LUZP2: variants seen among roughly 807,000 people sequenced by gnomAD.
LUZP2 encodes the protein leucine zipper protein 2.
In LUZP2, 52 loss-of-function variants were observed where a neutral mutation model predicts 51.6. The observed-to-expected ratio is 1.01, with a 90% CI of 0.81 to 1.27. The LOEUF (loss-of-function observed/expected upper bound fraction) is 1.27. Among genes scored for constraint, LUZP2 ranks in the 50% most tolerant of loss-of-function variants. The pLI, the probability that LUZP2 is intolerant of heterozygous loss-of-function variation, is 0.00. For missense variants in LUZP2, 436 were observed against 395.4 expected (o/e 1.10, Z -0.87); for synonymous variants, 154 against 137.3 (o/e 1.12, Z -0.85).
At chr11:24,849,828 T>G (rs1391266730) in intron 5 of LUZP2, among the ~76,000 whole-genome samples, 1 of 152,234 alleles carries the variant, frequency 6.6e-6, no homozygotes, top group Non-Finnish European at 1.5e-5. Flanking sequence ...TTAACTGGCA[T>G]GAGATGGTAT....
chr11:24,550,665 T>C lies in LUZP2; in HGVS notation c.62+53360T>C, dbSNP rs995818042. Among the ~76,000 whole-genome samples, 8 of 152,254 alleles carry C rather than the reference T, an allele frequency of 5.3e-5. No homozygotes were observed. In the South Asian group the frequency reaches 1.4e-3, roughly 28 times the overall value. On this transcript the variant is annotated intron_variant, in intron 1 of 11. Coordinates refer to ENST00000336930, the MANE Select transcript of LUZP2 (RefSeq NM_001009909.4). Reference sequence around the variant, plus strand: ...CCTCAATGGATCTATTTTTGTCTTTTGGAACAGGAATGAATGTACCTTATT... The same window carrying C: ...CCTCAATGGATCTATTTTTGTCTTTCGGAACAGGAATGAATGTACCTTATT...
intron 1 of LUZP2, among the ~76,000 whole-genome samples, chr11:24,541,274 A>G (rs1254931445): frequency 6.6e-6 from 1 of 151,332 alleles, no homozygotes; most frequent in East Asian, 2.0e-4. Flanking sequence ...AAAAAAAAAA[A>G]AAAGGAGTGA....
chr11:24,681,743 A>C (rs1158917637), intron 1 of LUZP2, among the ~76,000 whole-genome samples: 1 of 152,186 alleles, frequency 6.6e-6, no homozygotes, highest in Non-Finnish European at 1.5e-5. Flanking sequence ...ATTAATATGA[A>C]ATGTTATAAA....
chr11:25,063,110 C>A (rs1858894954), intron 10 of LUZP2, among the ~76,000 whole-genome samples: 1 of 151,300 alleles, frequency 6.6e-6, no homozygotes, highest in Admixed American at 6.6e-5. Flanking sequence ...AACCACGGAT[C>A]AAAAATATTT....
chr11:24,698,824 G>A (rs1857330534), intron 1 of LUZP2, among the ~76,000 whole-genome samples: 1 of 152,058 alleles, frequency 6.6e-6, no homozygotes, highest in Non-Finnish European at 1.5e-5. Flanking sequence ...GGAAGGCTGA[G>A]GCAGGTGAAT....
chr11:24,844,727 G>C (rs976511851), intron 5 of LUZP2, among the ~76,000 whole-genome samples: 2 of 152,106 alleles, frequency 1.3e-5, no homozygotes, highest in Non-Finnish European at 2.9e-5. Flanking sequence ...TTAGTGTCCT[G>C]TGTCCCAGCC....
intron 5 of LUZP2, among the ~76,000 whole-genome samples, chr11:24,815,942 C>A (rs11028189): frequency 2.0e-5 from 3 of 150,756 alleles, no homozygotes; most frequent in Non-Finnish European, 4.4e-5. Context: ...GCTGAAGTCT[C>A]GATTCAGGAG....
chr11:24,779,979 T>TC (rs1208945954), intron 5 of LUZP2, among the ~76,000 whole-genome samples: 1 of 152,094 alleles, frequency 6.6e-6, no homozygotes, highest in African/African-American at 2.4e-5. Context: ...AGGGACATAT[T>TC]CTCCCGTAGG....
At chr11:24,681,993 A>G (rs528144282) in intron 1 of LUZP2, among the ~76,000 whole-genome samples, 140 of 152,372 alleles carry the variant, frequency 9.2e-4, no homozygotes, top group African/African-American at 3.3e-3. Context: ...GAGTTCTTAT[A>G]CTATCACAAA....
intron 4 of LUZP2, among the ~76,000 whole-genome samples, chr11:24,746,310 A>T (rs894468350): frequency 1.3e-5 from 2 of 152,148 alleles, no homozygotes; most frequent in African/African-American, 4.8e-5. Flanking sequence ...TTCATATATG[A>T]TGCTTACTTT....
chr11:24,929,456 A>G (rs11605002), intron 7 of LUZP2, among the ~76,000 whole-genome samples: 57,259 of 151,978 alleles, frequency 0.38, 13,174 homozygotes, highest in East Asian at 0.72. Flanking sequence ...TTAAATTTCC[A>G]TCTTGATATC....
intron 1 of LUZP2, among the ~76,000 whole-genome samples, chr11:24,703,668 C>CAAA (rs35979167): frequency 6.9e-6 from 1 of 144,680 alleles, no homozygotes; most frequent in Non-Finnish European, 1.5e-5. Context: ...ACTAAAAATA[C>CAAA]AAAAAAAAAA....
Position 24,981,618 on chromosome 11 carries a change from C to A in LUZP2, c.598-1508C>A, listed in dbSNP as rs184260063. ...ATGGAGTTGCTCTGGTTCAAACGCCCCTGACGCTGTTACCTAACAAGGCCC... is the reference window on the plus strand; with the variant it reads ...ATGGAGTTGCTCTGGTTCAAACGCCACTGACGCTGTTACCTAACAAGGCCC... On this transcript the variant is annotated intron_variant, in intron 8 of 11. Transcript: ENST00000336930. Among the ~76,000 whole-genome samples the A allele has an allele frequency of 1.1e-3, 168 of 151,874 alleles. 4 individuals carry two copies. The highest frequency in any genetic ancestry group is 0.011 in the Admixed American group (163 of 15,218).
intron 7 of LUZP2, among the ~76,000 whole-genome samples, chr11:24,961,388 C>G (rs1032333883): frequency 1.3e-5 from 2 of 152,124 alleles, no homozygotes; most frequent in Admixed American, 1.3e-4. Context: ...GTCTAAGTCT[C>G]TTTGTAGGTC....
intron 5 of LUZP2, among the ~76,000 whole-genome samples, chr11:24,823,393 A>C: frequency 6.6e-6 from 1 of 151,812 alleles, no homozygotes; most frequent in Admixed American, 6.6e-5. Context: ...AATTCAGAAA[A>C]AAAAAAAAAA....
intron 5 of LUZP2, among the ~76,000 whole-genome samples, chr11:24,771,894 A>G (rs949196148): frequency 1.3e-5 from 2 of 151,948 alleles, no homozygotes; most frequent in Admixed American, 6.6e-5. Context: ...TCGTTCACCT[A>G]CCTCCATGAT....
At chr11:24,963,620 G>T (rs1855488097) in intron 7 of LUZP2, among the ~76,000 whole-genome samples, 1 of 152,154 alleles carries the variant, frequency 6.6e-6, no homozygotes, top group Non-Finnish European at 1.5e-5. Context: ...CCGTCAGAAA[G>T]GCGCAGTATT....
intron 7 of LUZP2, among the ~76,000 whole-genome samples, chr11:24,916,168 T>A (rs1853783571): frequency 6.6e-6 from 1 of 151,978 alleles, no homozygotes; most frequent in Non-Finnish European, 1.5e-5. Context: ...GAAGAGGCTT[T>A]TAGCTGAAGT....
intron 1 of LUZP2, among the ~76,000 whole-genome samples, chr11:24,578,988 T>C (rs1170824432): frequency 2.0e-5 from 3 of 152,124 alleles, no homozygotes; most frequent in African/African-American, 7.2e-5. Context: ...CCAGAAATTG[T>C]AATCTTTATA....
Sources: gnomAD v4.1 joint callset for allele counts (sites outside exome capture counted in the v4.1 genomes callset) on GRCh38, gnomAD v4.1.1 for gene constraint, MANE v1.5 for transcripts, NCBI Gene and HGNC (gene_info 2026-07-23, HGNC 2026-07-21) for gene names.